Variants in EEIG2 observed in about 807,000 individuals in gnomAD.
EEIG2 encodes family with sequence similarity 102 member B.
At chr1:108,576,483 T>G in the EEIG2 span, among the ~76,000 whole-genome samples, 5 of 128,852 alleles carry the variant, frequency 3.9e-5, no homozygotes, top group Middle Eastern at 3.8e-3. Flanking sequence ...AGTGTGATAT[T>G]CCCCTTCCTG....
the EEIG2 span, among the ~76,000 whole-genome samples, chr1:108,592,945 T>C: frequency 0.15 from 23,180 of 151,620 alleles, 2,830 homozygotes; most frequent in African/African-American, 0.34. Context: ...GTCACTTGAG[T>C]TTAGGAGTTT....
At chr1:108,569,526 A>C in the EEIG2 span, among the ~76,000 whole-genome samples, 1 of 152,174 alleles carries the variant, frequency 6.6e-6, no homozygotes, top group East Asian at 1.9e-4. Context: ...TGGTCTTGCT[A>C]TGTTGCCCAG....
chr1:108,629,491 A>G, the EEIG2 span: 4 of 897,106 alleles, frequency 4.5e-6, no homozygotes, highest in African/African-American at 1.7e-5. Flanking sequence ...TATTTCTCTA[A>G]TAAACAATTG....
chr1:108,625,863 T>C, the EEIG2 span: 2 of 152,246 alleles, frequency 1.3e-5, no homozygotes, highest in Admixed American at 1.3e-4. Flanking sequence ...AGAGATGATA[T>C]ATGTACCACA....
the EEIG2 span, among the ~76,000 whole-genome samples, chr1:108,632,501 G>A: frequency 6.6e-6 from 1 of 152,144 alleles, no homozygotes; most frequent in African/African-American, 2.4e-5. Context: ...ATTAGAGCAA[G>A]GAAAGACCAG....
the EEIG2 span, among the ~76,000 whole-genome samples, chr1:108,589,196 C>T: frequency 1.3e-5 from 2 of 152,084 alleles, no homozygotes; most frequent in African/African-American, 2.4e-5. Flanking sequence ...GGATGAACCT[C>T]CTCTGGCACC....
chr1:108,561,684 A>C, the EEIG2 span, among the ~76,000 whole-genome samples: 1 of 152,262 alleles, frequency 6.6e-6, no homozygotes, highest in African/African-American at 2.4e-5. Flanking sequence ...AGTTTTTAAA[A>C]TTAAACTGTG....
the EEIG2 span, among the ~76,000 whole-genome samples, chr1:108,597,321 AG>A: frequency 2.0e-5 from 3 of 152,182 alleles, no homozygotes; most frequent in East Asian, 3.9e-4. Context: ...AAGCCAGGTT[AG>A]GGGAAGAAGG....
chr1:108,623,237 G>A, the EEIG2 span, among the ~76,000 whole-genome samples: 14 of 152,130 alleles, frequency 9.2e-5, no homozygotes, highest in Non-Finnish European at 1.9e-4. Flanking sequence ...ACTTTGAGAG[G>A]CTGAGGCAGA....
chr1:108,560,941 A>G, the EEIG2 span, among the ~76,000 whole-genome samples: 1 of 152,214 alleles, frequency 6.6e-6, no homozygotes, highest in African/African-American at 2.4e-5. Flanking sequence ...CCAGCTCTGA[A>G]CAGAAACCTG....
At chr1:108,561,506 TA>T in the EEIG2 span, among the ~76,000 whole-genome samples, 5 of 152,058 alleles carry the variant, frequency 3.3e-5, no homozygotes, top group Non-Finnish European at 5.9e-5. Flanking sequence ...ATATTCTACT[TA>T]AAAAAAATTC....
At chr1:108,627,248 C>G in the EEIG2 span, 2 of 152,226 alleles carry the variant, frequency 1.3e-5, no homozygotes, top group Admixed American at 1.3e-4. Context: ...CACTTATACT[C>G]TGTCCAGAAA....
the EEIG2 span, among the ~76,000 whole-genome samples, chr1:108,565,011 G>A: frequency 3.2e-4 from 48 of 151,966 alleles, no homozygotes; most frequent in Middle Eastern, 3.4e-3. Flanking sequence ...AGTTTTTCTT[G>A]GTATTGTTTT....
chr1:108,592,896 G>A, the EEIG2 span, among the ~76,000 whole-genome samples: 11 of 152,034 alleles, frequency 7.2e-5, no homozygotes, highest in Non-Finnish European at 1.0e-4. Flanking sequence ...GGTGGCTCTC[G>A]CCTGTAATCT....
At chr1:108,582,383 T>A in the EEIG2 span, among the ~76,000 whole-genome samples, 1 of 152,172 alleles carries the variant, frequency 6.6e-6, no homozygotes, top group African/African-American at 2.4e-5. Flanking sequence ...TGAGATTATT[T>A]TTTAGTGTTT....
the EEIG2 span, among the ~76,000 whole-genome samples, chr1:108,589,522 T>C: frequency 5.3e-5 from 8 of 152,170 alleles, no homozygotes; most frequent in African/African-American, 1.2e-4. Flanking sequence ...CTGACCTCTC[T>C]GCCACATTTG....
At chr1:108,616,500 A>G in the EEIG2 span, 2 of 1,065,586 alleles carry the variant, frequency 1.9e-6, no homozygotes. Context: ...AAATTTTTAC[A>G]TTAATATTTT....
At chr1:108,635,003 G>A in the EEIG2 span, 3 of 1,015,296 alleles carry the variant, frequency 3.0e-6, no homozygotes, top group South Asian at 2.8e-5. Flanking sequence ...ATCAAATCTA[G>A]TAGAAAAATA....
At chr1:108,593,579 A>G in the EEIG2 span, among the ~76,000 whole-genome samples, 2 of 152,170 alleles carry the variant, frequency 1.3e-5, no homozygotes, top group Non-Finnish European at 2.9e-5. Flanking sequence ...TGCATATTGG[A>G]TAAGTAACTG....
Sources: allele counts gnomAD v4.1 joint callset (sites outside exome capture counted in the v4.1 genomes callset), GRCh38; gene constraint gnomAD v4.1.1; transcripts MANE v1.5; gene names NCBI Gene and HGNC (gene_info 2026-07-23, HGNC 2026-07-21).